The following ADNP variants were observed in gnomAD, a reference collection of about 807,000 sequenced individuals.
ADNP encodes activity dependent neuroprotector homeobox.
ADNP carries 4 observed loss-of-function variants against 84.9 expected under a neutral mutation model. The observed-to-expected ratio is 0.05, with a 90% CI of 0.02 to 0.11. The LOEUF is 0.11. ADNP is among the 10% of genes least tolerant of loss of function. ADNP has a pLI of 1.00. For synonymous variants in ADNP, 554 were observed against 468.1 expected (o/e 1.18, Z -2.37); for missense variants, 1,132 against 1,326.0 (o/e 0.85, Z 2.27).
chr20:50,909,903 A>G (rs887169925), intron 2 of ADNP: 1 of 152,200 alleles, frequency 6.6e-6, no homozygotes, highest in Non-Finnish European at 1.5e-5. Flanking sequence ...AGCAAAGGGA[A>G]CAATTCCTAT....
At chr20:50,921,278 A>G (rs1319825611) in intron 2 of ADNP, among the ~76,000 whole-genome samples, 1 of 152,236 alleles carries the variant, frequency 6.6e-6, no homozygotes, top group Non-Finnish European at 1.5e-5. Context: ...TACACATTAC[A>G]ATGCATCATG....
At chr20:50,908,313 G>A (rs571932962) in intron 2 of ADNP, among the ~76,000 whole-genome samples, 147 of 152,160 alleles carry the variant, frequency 9.7e-4, no homozygotes, top group Non-Finnish European at 1.2e-3. Context: ...TGAGTGTTTT[G>A]AACTATAACA....
At chr20:50,896,025 GACC>G (rs1235688749) in intron 5 of ADNP, among the ~76,000 whole-genome samples, 1 of 151,648 alleles carries the variant, frequency 6.6e-6, no homozygotes, top group African/African-American at 2.4e-5. Context: ...AAGAGCTTGA[GACC>G]AGCCTGACCA....
chr20:50,894,057 A>G lies in ADNP; in HGVS notation c.657T>C (p.Ser219=). 6.2e-7 allele frequency: 1 copy of G among 1,613,934 alleles called. No individual in the cohort carries two copies. The highest frequency in any genetic ancestry group is 1.1e-5 in the South Asian group (1 of 91,070). ...AAAGGCATCGCTTGCAGTGAATACT[A>G]CTCTCTTCTCGGGCATTCGAGCCTA... ...VPLGSNAREE[S]SIHCKRCLFM... The change falls in exon 6 of 6, where the codon AGT becomes AGC. Residue 219 remains serine (S), a synonymous_variant. Coordinates refer to ENST00000621696, the MANE Select transcript of ADNP (RefSeq NM_001282531.3).
chr20:50,915,969 T>C (rs936468127), intron 2 of ADNP, among the ~76,000 whole-genome samples: 9 of 152,210 alleles, frequency 5.9e-5, no homozygotes, highest in African/African-American at 2.2e-4. Flanking sequence ...CCAGTTTCTG[T>C]ATTCTTCTAT....
intron 2 of ADNP, among the ~76,000 whole-genome samples, chr20:50,908,897 A>G (rs1010944): frequency 0.51 from 77,318 of 151,922 alleles, 23,585 homozygotes; most frequent in African/African-American, 0.87. Flanking sequence ...CTGAAATTCA[A>G]GGCCCTTTCC....
chr20:50,920,031 C>G (rs918429187), intron 2 of ADNP, among the ~76,000 whole-genome samples: 1 of 152,062 alleles, frequency 6.6e-6, no homozygotes, highest in Non-Finnish European at 1.5e-5. Context: ...GAAATCCCAG[C>G]ACTTTGGGAG....
chr20:50,895,853 T>C (rs1226750908), intron 5 of ADNP, among the ~76,000 whole-genome samples: 2 of 152,332 alleles, frequency 1.3e-5, no homozygotes, highest in East Asian at 3.9e-4. Context: ...TCTTCAATAA[T>C]AACCTCAGCT....
At chr20:50,924,254 T>C (rs1398455137) in intron 2 of ADNP, among the ~76,000 whole-genome samples, 7 of 152,214 alleles carry the variant, frequency 4.6e-5, no homozygotes, top group Admixed American at 4.6e-4. Flanking sequence ...TCTTATACAG[T>C]TAACTTCCCA....
At position 50,890,858 on chromosome 20, in the gene ADNP, G is replaced by T; in HGVS notation, c.*547C>A. On this transcript the variant is annotated 3_prime_UTR_variant, in exon 6 of 6. Coordinates refer to ENST00000621696, the MANE Select transcript of ADNP (RefSeq NM_001282531.3). ...AACTAGATAGAGCGTTTATTACACA[G>T]CAAGGGCAACACTAAAAAAAGAAAT... 1 of 928,698 alleles carries T rather than the reference G, an allele frequency of 1.1e-6. No individual in the cohort carries two copies. The highest frequency in any genetic ancestry group is 1.3e-6 in the Non-Finnish European group (1 of 778,234). The allele number at this position is 928,698 out of a possible 1,614,324, so 57.5% of individuals were successfully genotyped here.
intron 2 of ADNP, among the ~76,000 whole-genome samples, chr20:50,927,119 C>T (rs1984341368): frequency 2.0e-5 from 3 of 151,984 alleles, no homozygotes; most frequent in African/African-American, 4.8e-5. Flanking sequence ...CAAGTGGTAC[C>T]AAAACCATCT....
Position 50,892,355 on chromosome 20 carries a change from C to G in ADNP, c.2359G>C (p.Glu787Gln), listed in dbSNP as rs1333615102. Reference protein sequence around the residue: ...KQPYPTRREIEKLAASLWLWK... With the variant: ...KQPYPTRREIQKLAASLWLWK... ...AACCATAAACTGGCTGCTAGCTTCT[C>G]AATTTCTCTCCTGGTGGGATAGGGC... is the stretch of plus-strand genomic sequence containing the variant. The change falls in exon 6 of 6, where the codon GAG (glutamate) becomes CAG (glutamine). Residue 787 changes from glutamate (E) to glutamine (Q), a missense_variant. This residue lies in a region of ADNP where 41 missense variants were observed against 78.4 expected (regional missense o/e 0.52). Transcript: ENST00000621696. 6.2e-7 allele frequency: 1 copy of G among 1,614,190 alleles called. No homozygotes were observed.
rs191162376 is a variant in ADNP at position 50,893,913 on chromosome 20, G to C, written c.801C>G (p.Pro267=). ...HTNVVVPRSK[P]LMLIAPKPQD... ...GAGGTTTGGGAGCAATTAGCATCAAGGGTTTGGATCGGGGAACCACTACAT... is the reference window on the plus strand; with the variant it reads ...GAGGTTTGGGAGCAATTAGCATCAACGGTTTGGATCGGGGAACCACTACAT... Residue 267 remains proline, a synonymous_variant, in exon 6 of 6, where the codon CCC becomes CCG. Coordinates refer to ENST00000621696, the MANE Select transcript of ADNP (RefSeq NM_001282531.3). This position sits in a 1 kb window ranked among gnomAD's most constrained non-coding sequence, Gnocchi z 4.4. 27 of 1,614,200 alleles carry C rather than the reference G, an allele frequency of 1.7e-5. No individual in the cohort carries two copies. The East Asian group carries it at 4.9e-4, about 29-fold the overall frequency.
intron 2 of ADNP, among the ~76,000 whole-genome samples, chr20:50,918,071 G>GAA (rs1225739137): frequency 6.6e-6 from 1 of 152,152 alleles, no homozygotes; most frequent in Non-Finnish European, 1.5e-5. Context: ...AGGAGTTATT[G>GAA]TTTAACAGGT....
In ADNP at chr20:50,931,097, GGAGAGGCGGCTTCACCGGCGC is replaced by G. The variant is rs1984723744; in HGVS notation, c.-557_-537del. On this transcript the variant is annotated 5_prime_UTR_variant, in exon 1 of 6. Transcript: ENST00000621696. ...GCGGAGGGAGGAGACGGAGGGTGTG[GGAGAGGCGGCTTCACCGGCGC>G]GGGCGGCGGCGGCCGCGCTCCTCTC... 1 of 151,716 alleles carries G rather than the reference GGAGAGGCGGCTTCACCGGCGC, an allele frequency of 6.6e-6. No individual in the cohort carries two copies. Among genetic ancestry groups the G allele is most frequent in the Admixed American group, 6.6e-5 (1 of 15,096 alleles). The allele number at this position is 151,716 out of a possible 1,614,324, so 9.4% of individuals were successfully genotyped here.
In ADNP at chr20:50,891,346, C is replaced by G; in HGVS notation, c.*59G>C. Reference sequence around the variant, plus strand: ...ACCAGTGAGAAGACAGCTTTGCAGTCACACTGGATATCAGAGTTCCAGGCT... The same window carrying G: ...ACCAGTGAGAAGACAGCTTTGCAGTGACACTGGATATCAGAGTTCCAGGCT... On this transcript the variant is annotated 3_prime_UTR_variant, in exon 6 of 6. Transcript: ENST00000621696. 6.7e-7 allele frequency: 1 copy of G among 1,500,016 alleles called. No individual in the cohort carries two copies. Among genetic ancestry groups the G allele is most frequent in the Non-Finnish European group, 8.8e-7 (1 of 1,131,600 alleles). 92.9% of individuals were successfully genotyped at this position (1,500,016 alleles called of 1,614,324 possible).
Position 50,890,771 on chromosome 20 carries a change from G to T in ADNP, c.*634C>A. ...CTGTTGCAAGATTGTACAAGGTTAT[G>T]TGCAAAAACTAAGTCTGTCCAAAAA... On this transcript the variant is annotated 3_prime_UTR_variant, in exon 6 of 6. Coordinates refer to ENST00000621696, the MANE Select transcript of ADNP (RefSeq NM_001282531.3). 2 of 256,578 alleles carry T rather than the reference G, an allele frequency of 7.8e-6. No homozygotes were observed. The highest frequency in any genetic ancestry group is 1.2e-5 in the Non-Finnish European group (2 of 163,224). The allele number at this position is 256,578 out of a possible 1,614,324, so 15.9% of individuals were successfully genotyped here.
chr20:50,912,930 G>A (rs1421206821), intron 2 of ADNP, among the ~76,000 whole-genome samples: 1 of 152,048 alleles, frequency 6.6e-6, no homozygotes, highest in Non-Finnish European at 1.5e-5. Flanking sequence ...TCAAGGGCTA[G>A]GAATGACGCT....
intron 5 of ADNP, among the ~76,000 whole-genome samples, chr20:50,899,564 A>T (rs1339600209): frequency 7.9e-5 from 12 of 152,008 alleles, no homozygotes; most frequent in Admixed American, 2.0e-4. Flanking sequence ...ATATTTTTTA[A>T]AAAAAAGTTA....
Sources: allele counts gnomAD v4.1 joint callset (sites outside exome capture counted in the v4.1 genomes callset), GRCh38; gene constraint gnomAD v4.1.1; regional missense constraint gnomAD v4.1.1; non-coding constraint Gnocchi (gnomAD v3.1); transcripts MANE v1.5; gene names NCBI Gene and HGNC (gene_info 2026-07-23, HGNC 2026-07-21).